Variants in ZMYM4 observed in about 807,000 individuals in gnomAD.
ZMYM4 encodes zinc finger MYM-type containing 4.
Under a neutral mutation model 183.2 loss-of-function variants are expected in ZMYM4, and 31 were observed. That is an observed-to-expected ratio of 0.17 (90% confidence interval 0.13 to 0.23). The LOEUF (loss-of-function observed/expected upper bound fraction) is 0.23, where lower values mean the gene tolerates loss of function less well. Among genes scored for constraint, ZMYM4 ranks in the 10% least tolerant of loss-of-function variants. ZMYM4 has a pLI of 1.00. For missense variants in ZMYM4, 1,273 were observed against 1,840.3 expected, an observed-to-expected ratio of 0.69 and a Z score of 5.64; for synonymous variants, 592 against 631.2, an observed-to-expected ratio of 0.94 and a Z score of 0.93.
At chr1:35,400,972 T>G (rs1644897469) in intron 23 of ZMYM4, among the ~76,000 whole-genome samples, 1 of 152,238 alleles carries the variant, frequency 6.6e-6, no homozygotes, top group Non-Finnish European at 1.5e-5. Context: ...CTGAGTAGTA[T>G]TTCATTACAT....
intron 7 of ZMYM4, among the ~76,000 whole-genome samples, chr1:35,375,219 T>A (rs571782001): frequency 7.2e-5 from 11 of 152,316 alleles, no homozygotes; most frequent in Non-Finnish European, 1.0e-4. Context: ...TTGTCAATCT[T>A]GTTTTTCCTT....
intron 2 of ZMYM4, among the ~76,000 whole-genome samples, chr1:35,355,721 T>C (rs1366364447): frequency 1.3e-5 from 2 of 152,184 alleles, no homozygotes; most frequent in Non-Finnish European, 2.9e-5. Context: ...TTGGTCATTA[T>C]TAGAAAGGCT....
intron 2 of ZMYM4, among the ~76,000 whole-genome samples, chr1:35,340,008 T>C (rs1385227629): frequency 6.6e-6 from 1 of 152,218 alleles, no homozygotes; most frequent in Non-Finnish European, 1.5e-5. Flanking sequence ...GTAATAATTC[T>C]TAATAATCTG....
intron 1 of ZMYM4, among the ~76,000 whole-genome samples, chr1:35,300,381 A>C (rs1641226407): frequency 6.6e-6 from 1 of 152,138 alleles, no homozygotes; most frequent in Non-Finnish European, 1.5e-5. Flanking sequence ...TTTATCAGGA[A>C]TTTGATTATG....
At chr1:35,415,846 C>G in intron 28 of ZMYM4, 132 bp downstream of exon 28, 1 of 1,266,952 alleles carries the variant, frequency 7.9e-7, no homozygotes, top group Non-Finnish European at 1.1e-6. Flanking sequence ...ATATTTTTCT[C>G]TATTGTCAGA....
Position 35,359,032 on chromosome 1 carries a change from T to A in ZMYM4, c.193T>A (p.Ser65Thr). 2.5e-6 allele frequency: 4 copies of A among 1,613,776 alleles called. No homozygotes were observed. Among genetic ancestry groups the A allele is most frequent in the Non-Finnish European group, 3.4e-6 (4 of 1,179,730 alleles). Residue 65 changes from serine (S) to threonine (T), a missense_variant, in exon 3 of 30, where the codon TCA becomes ACA. Physicochemically the swap from Ser to Thr is moderately conservative, Grantham distance 58. Around this residue, in one of 6 missense-constraint regions of ZMYM4, gnomAD observed 384 missense variants for 465.6 expected, o/e 0.82. Transcript: ENST00000314607. Reference sequence around the variant, plus strand: ...GCCGAATCAAACAGGATCTGAAAATTCATTGCTGGATGAAGATGATTATTT... The same window carrying A: ...GCCGAATCAAACAGGATCTGAAAATACATTGCTGGATGAAGATGATTATTT... ...GMPNQTGSEN[S>T]LLDEDDYFLN...
chr1:35,394,675 T>C (rs189322359), intron 18 of ZMYM4, among the ~76,000 whole-genome samples: 1 of 152,340 alleles, frequency 6.6e-6, no homozygotes, highest in Admixed American at 6.5e-5. Context: ...GAACAGATTG[T>C]CTTGAATAAA....
At chr1:35,393,861 A>G (rs1644755359) in intron 18 of ZMYM4, 122 bp downstream of exon 18, 1 of 1,145,784 alleles carries the variant, frequency 8.7e-7, no homozygotes, top group Non-Finnish European at 1.2e-6. Context: ...ACATTGCCCA[A>G]TTTAGTTCTC....
At chr1:35,314,064 A>G (rs1026686916) in intron 1 of ZMYM4, among the ~76,000 whole-genome samples, 4 of 152,104 alleles carry the variant, frequency 2.6e-5, no homozygotes, top group Non-Finnish European at 5.9e-5. Context: ...TAATTGAGAA[A>G]ACTTTTATTT....
rs777815528 is a variant in ZMYM4 at position 35,381,216 on chromosome 1, A to T, written c.1182-43A>T. 14 of 1,457,050 alleles carry T rather than the reference A, an allele frequency of 9.6e-6. No homozygotes were observed. The South Asian group carries it at 2.0e-4, about 20-fold the overall frequency. 90.3% of individuals were successfully genotyped at this position (1,457,050 alleles called of 1,614,324 possible). On this transcript the variant is annotated intron_variant, in intron 7 of 29. Transcript: ENST00000314607. ...TTTAGCTCACAGAAAGGAAAAAGAA[A>T]TGAATTATACCATGGCTTATGTTAT... is the stretch of plus-strand genomic sequence containing the variant.
At chr1:35,277,894 A>G (rs944128292) in intron 1 of ZMYM4, among the ~76,000 whole-genome samples, 7 of 152,170 alleles carry the variant, frequency 4.6e-5, no homozygotes, top group Non-Finnish European at 8.8e-5. Flanking sequence ...CTAATTTATC[A>G]TAGTCATTAT....
Position 35,305,058 on chromosome 1 carries a change from A to C in ZMYM4, c.40-20302A>C, listed in dbSNP as rs147384568. 3.9e-4 allele frequency among the ~76,000 whole-genome samples: 59 copies of C among 152,070 alleles called. No individual in the cohort carries two copies. In the East Asian group the frequency reaches 5.0e-3, roughly 13 times the overall value. ...ATGGGGTTTCACCATGTTGGCCAGG[A>C]TGGTGTTGATTTCCTGACCTCGTGA... On this transcript the variant is annotated intron_variant, in intron 1 of 29. Transcript: ENST00000314607.
chr1:35,393,504 A>G (rs1219817043), intron 17 of ZMYM4, 91 bp from the exon 18 acceptor site: 1 of 1,215,696 alleles, frequency 8.2e-7, no homozygotes, highest in Non-Finnish European at 1.1e-6. Flanking sequence ...TGTAATTCCA[A>G]TATGACATTT....
chr1:35,352,409 C>T, intron 2 of ZMYM4, among the ~76,000 whole-genome samples: 1 of 151,950 alleles, frequency 6.6e-6, no homozygotes, highest in Non-Finnish European at 1.5e-5. Context: ...CACACACACA[C>T]ACACACACAC....
At chr1:35,347,839 CTTA>C (rs1239240662) in intron 2 of ZMYM4, among the ~76,000 whole-genome samples, 1 of 151,940 alleles carries the variant, frequency 6.6e-6, no homozygotes, top group African/African-American at 2.4e-5. Flanking sequence ...TATTATTTTG[CTTA>C]TTATGTTATT....
At chr1:35,307,327 A>G (rs1448244617) in intron 1 of ZMYM4, among the ~76,000 whole-genome samples, 2 of 152,026 alleles carry the variant, frequency 1.3e-5, no homozygotes, top group East Asian at 3.9e-4. Flanking sequence ...GCAGTTTAGA[A>G]AGCTTTCAGG....
chr1:35,270,693 G>T (rs1291037246), intron 1 of ZMYM4, among the ~76,000 whole-genome samples: 3 of 151,392 alleles, frequency 2.0e-5, no homozygotes, highest in Non-Finnish European at 4.4e-5. Flanking sequence ...CTGGGAGGCG[G>T]TGGTAGCAGG....
At chr1:35,398,044 A>T (rs1644840171) in intron 20 of ZMYM4, among the ~76,000 whole-genome samples, 1 of 152,164 alleles carries the variant, frequency 6.6e-6, no homozygotes. Flanking sequence ...GCCTTGCCTG[A>T]TTCAATCTTC....
intron 23 of ZMYM4, 39 bp downstream of exon 23, chr1:35,399,615 T>G: frequency 6.2e-7 from 1 of 1,604,574 alleles, no homozygotes; most frequent in Non-Finnish European, 8.5e-7. Context: ...TTTCTTTCCT[T>G]CATTCTACAA....
Sources: allele counts gnomAD v4.1 joint callset (sites outside exome capture counted in the v4.1 genomes callset), GRCh38; gene constraint gnomAD v4.1.1; regional missense constraint gnomAD v4.1.1; transcripts MANE v1.5; gene names NCBI Gene and HGNC (gene_info 2026-07-23, HGNC 2026-07-21).